TBC1D22A: variants seen among roughly 807,000 people sequenced by gnomAD.
TBC1D22A encodes TBC1 domain family member 22A.
TBC1D22A carries 38 observed loss-of-function variants against 60.2 expected under a neutral mutation model. The observed-to-expected ratio is 0.63, with a 90% CI of 0.49 to 0.83. The LOEUF (loss-of-function observed/expected upper bound fraction) is 0.83. Among genes scored for constraint, TBC1D22A ranks in the 40% least tolerant of loss-of-function variants. The pLI is 0.00. For missense variants in TBC1D22A, 628 were observed against 701.0 expected (o/e 0.90, Z 1.18); for synonymous variants, 302 against 281.7 (o/e 1.07, Z -0.72).
Position 46,825,573 on chromosome 22 carries a change from A to C in TBC1D22A, c.637+27953A>C, listed in dbSNP as rs2086018322. ...ACTGCAAACGCTGCCTCCCAGGTTC[A>C]AGCGATTCTTGTGCCTCAGCCTCCC... On this transcript the variant is annotated intron_variant, in intron 4 of 12. Coordinates refer to ENST00000337137, the MANE Select transcript of TBC1D22A (RefSeq NM_014346.5). Among the ~76,000 whole-genome samples, 4 of 152,196 alleles carry C rather than the reference A, an allele frequency of 2.6e-5. 1 individual carries two copies. In the South Asian group the frequency reaches 8.3e-4, roughly 31 times the overall value.
chr22:46,792,521 A>G lies in TBC1D22A; in HGVS notation c.64A>G (p.Ile22Val). ...KRSNSKLPGSIQHVYGAQHPP... is the reference protein window; with the variant it reads ...KRSNSKLPGSVQHVYGAQHPP... Reference sequence around the variant, plus strand: ...GGTTTTCCTTTTCTTTTCCATCAGCATCCAGCACGTGTATGGTGCCCAGCA... The same window carrying G: ...GGTTTTCCTTTTCTTTTCCATCAGCGTCCAGCACGTGTATGGTGCCCAGCA... The change falls in exon 2 of 13, where the codon ATC becomes GTC. Residue 22 changes from isoleucine (I) to valine (V), a missense_variant and splice_region_variant. Ile to Val is a conservative substitution (Grantham distance 29). Coordinates refer to ENST00000337137, the MANE Select transcript of TBC1D22A (RefSeq NM_014346.5). The G allele has an allele frequency of 6.2e-7, 1 of 1,614,224 alleles. No individual in the cohort carries two copies. The highest frequency in any genetic ancestry group is 8.5e-7 in the Non-Finnish European group (1 of 1,180,030).
At chr22:47,036,794 T>C (rs2062671478) in intron 10 of TBC1D22A, among the ~76,000 whole-genome samples, 1 of 152,202 alleles carries the variant, frequency 6.6e-6, no homozygotes, top group African/African-American at 2.4e-5. Flanking sequence ...AGCCCCCCCA[T>C]CTTCCTGGGT....
chr22:46,922,331 A>G (rs574546062), intron 8 of TBC1D22A, among the ~76,000 whole-genome samples: 3 of 152,368 alleles, frequency 2.0e-5, no homozygotes, highest in African/African-American at 7.2e-5. Context: ...GTGTACTCAC[A>G]AGTATATTCA....
At chr22:46,974,713 A>T (rs1183335503) in intron 9 of TBC1D22A, among the ~76,000 whole-genome samples, 1 of 152,106 alleles carries the variant, frequency 6.6e-6, no homozygotes, top group South Asian at 2.1e-4. Flanking sequence ...CACGGTAGCT[A>T]TGTGTGTGTG....
chr22:47,096,981 A>G (rs2065204598), intron 11 of TBC1D22A, among the ~76,000 whole-genome samples: 1 of 152,068 alleles, frequency 6.6e-6, no homozygotes, highest in African/African-American at 2.4e-5. Flanking sequence ...TCTCTGTACC[A>G]TTGATGGAAC....
intron 10 of TBC1D22A, among the ~76,000 whole-genome samples, chr22:47,010,335 C>G (rs937313833): frequency 3.3e-5 from 5 of 151,386 alleles, no homozygotes; most frequent in African/African-American, 1.2e-4. Flanking sequence ...GCGTGGCTCC[C>G]TCCCCCTGGC....
At chr22:46,937,440 C>T (rs1431333160) in intron 8 of TBC1D22A, among the ~76,000 whole-genome samples, 5 of 152,184 alleles carry the variant, frequency 3.3e-5, no homozygotes, top group Admixed American at 3.3e-4. Context: ...CGTGTTTGTG[C>T]TGATGCTGGT....
chr22:47,070,105 G>A (rs138771112), intron 11 of TBC1D22A, among the ~76,000 whole-genome samples: 1,992 of 131,220 alleles, frequency 0.015, 190 homozygotes, highest in Middle Eastern at 0.038. Flanking sequence ...TGGTTGGAGC[G>A]GAGCTGACTT....
chr22:46,903,160 C>T (rs969131899), intron 7 of TBC1D22A, among the ~76,000 whole-genome samples: 4 of 152,208 alleles, frequency 2.6e-5, no homozygotes, highest in African/African-American at 4.8e-5. Context: ...CCCAGCCTCA[C>T]GCCCTGCAGG....
At chr22:46,831,894 A>C (rs573575383) in intron 4 of TBC1D22A, among the ~76,000 whole-genome samples, 2 of 152,352 alleles carry the variant, frequency 1.3e-5, no homozygotes, top group East Asian at 3.9e-4. Context: ...GAATGTTTCA[A>C]ATATTAAAAT....
intron 12 of TBC1D22A, among the ~76,000 whole-genome samples, chr22:47,152,747 G>T (rs182352283): frequency 1.3e-5 from 2 of 152,140 alleles, no homozygotes; most frequent in Admixed American, 1.3e-4. Context: ...TTACAGGCCC[G>T]GGCACGGGGC....
chr22:47,094,288 T>C (rs1316280764), intron 11 of TBC1D22A, among the ~76,000 whole-genome samples: 1 of 152,232 alleles, frequency 6.6e-6, no homozygotes, highest in Non-Finnish European at 1.5e-5. Flanking sequence ...GTCAAAAAAA[T>C]GGTCTGTGGG....
At chr22:47,010,680 GT>G (rs1480365912) in intron 10 of TBC1D22A, among the ~76,000 whole-genome samples, 1 of 152,140 alleles carries the variant, frequency 6.6e-6, no homozygotes, top group African/African-American at 2.4e-5. Flanking sequence ...TGCAGCCTGG[GT>G]TCCAGGCTAC....
intron 6 of TBC1D22A, among the ~76,000 whole-genome samples, chr22:46,892,557 G>A (rs1602343508): frequency 6.6e-6 from 1 of 152,140 alleles, no homozygotes; most frequent in Admixed American, 6.5e-5. Context: ...AGTTACTCTG[G>A]GAAACTGATT....
At chr22:46,962,796 T>C (rs543551047) in intron 8 of TBC1D22A, among the ~76,000 whole-genome samples, 147 of 152,342 alleles carry the variant, frequency 9.6e-4, no homozygotes, top group African/African-American at 3.4e-3. Flanking sequence ...TAGAAACAAA[T>C]TGGGATAAAA....
At position 46,793,545 on chromosome 22, in the gene TBC1D22A, C is replaced by T. The variant is rs1352439383; in HGVS notation, c.164C>T (p.Ala55Val). 3 of 1,614,064 alleles carry T rather than the reference C, an allele frequency of 1.9e-6. No homozygotes were observed. Among genetic ancestry groups the T allele is most frequent in the African/African-American group, 1.3e-5 (1 of 74,940 alleles). Reference protein sequence around the residue: ...TAKMPTTPVKAKRVSTFQEFE... With the variant: ...TAKMPTTPVKVKRVSTFQEFE... ...AAGATGCCGACCACACCAGTGAAGGCCAAGAGGGTCAGCACCTTCCAGGAG... is the reference window on the plus strand; with the variant it reads ...AAGATGCCGACCACACCAGTGAAGGTCAAGAGGGTCAGCACCTTCCAGGAG... Residue 55 changes from alanine to valine, a missense_variant, in exon 3 of 13, where the codon GCC becomes GTC. Physicochemically the swap from Ala to Val is moderately conservative, Grantham distance 64. Transcript: ENST00000337137.
At chr22:47,060,210 C>T (rs1473504125) in intron 11 of TBC1D22A, among the ~76,000 whole-genome samples, 3 of 151,780 alleles carry the variant, frequency 2.0e-5, no homozygotes, top group African/African-American at 4.8e-5. Flanking sequence ...TCCCTTCAGC[C>T]TCTGCGGCCC....
intron 12 of TBC1D22A, among the ~76,000 whole-genome samples, chr22:47,152,949 G>T (rs974901908): frequency 6.6e-6 from 1 of 151,994 alleles, no homozygotes; most frequent in African/African-American, 2.4e-5. Flanking sequence ...TGACTGAATA[G>T]GACAAGAAAA....
rs147072873 is a variant in TBC1D22A at position 46,861,279 on chromosome 22, T to TAA, written c.638-17373_638-17372dup. Among the ~76,000 whole-genome samples, 541 of 152,310 alleles carry TAA rather than the reference T, an allele frequency of 3.6e-3. 4 individuals are homozygous for TAA. Among genetic ancestry groups the TAA allele is most frequent in the African/African-American group, 0.012 (517 of 41,572 alleles). On this transcript the variant is annotated intron_variant, in intron 4 of 12. Coordinates refer to ENST00000337137, the MANE Select transcript of TBC1D22A (RefSeq NM_014346.5). ...GTGTTTTATCTCACGTAAAATGACTTAACAGTTAATTGTAGGACAGTTTCT... is the reference window on the plus strand; with the variant it reads ...GTGTTTTATCTCACGTAAAATGACTTAAAACAGTTAATTGTAGGACAGTTTCT...
Sources: gnomAD v4.1 joint callset for allele counts (sites outside exome capture counted in the v4.1 genomes callset) on GRCh38, gnomAD v4.1.1 for gene constraint, MANE v1.5 for transcripts, NCBI Gene and HGNC (gene_info 2026-07-23, HGNC 2026-07-21) for gene names.